SLC25A21: variants seen among roughly 807,000 people sequenced by gnomAD.
SLC25A21 encodes solute carrier family 25 member 21, also known as mitochondrial 2-oxodicarboxylate carrier.
In SLC25A21, 47 loss-of-function variants were observed where a neutral mutation model predicts 43.8. The ratio of observed to expected loss-of-function variants is 1.07; its 90% CI spans 0.85 to 1.37. The LOEUF is 1.37. Ranked by LOEUF, SLC25A21 falls within the 40% of genes most tolerant of loss-of-function variation. The probability of loss-of-function intolerance (pLI) is 0.00; values close to 1 mark genes in which losing one functional copy is unlikely to be tolerated. For synonymous variants in SLC25A21, 131 were observed against 121.3 expected (o/e 1.08, Z -0.52); for missense variants, 352 against 350.2 (o/e 1.00, Z -0.04).
At chr14:36,969,680 T>C (rs1426994655) in intron 1 of SLC25A21, among the ~76,000 whole-genome samples, 1 of 151,550 alleles carries the variant, frequency 6.6e-6, no homozygotes, top group East Asian at 1.9e-4. Context: ...TTTATGGAGA[T>C]GGGGTCTCGG....
At chr14:36,794,407 A>G (rs948049557) in intron 3 of SLC25A21, among the ~76,000 whole-genome samples, 1 of 152,190 alleles carries the variant, frequency 6.6e-6, no homozygotes, top group African/African-American at 2.4e-5. Flanking sequence ...CTGAAACAGG[A>G]TTAGAAAATA....
intron 2 of SLC25A21, among the ~76,000 whole-genome samples, chr14:36,839,255 C>T (rs1457375325): frequency 6.6e-6 from 1 of 152,094 alleles, no homozygotes; most frequent in Non-Finnish European, 1.5e-5. Context: ...ATCTCTGAAA[C>T]CAAATTTCAG....
chr14:36,759,965 T>TCAAAAAAAAAAAAAAAAAAAAAAAAA (rs1886081697), intron 3 of SLC25A21, among the ~76,000 whole-genome samples: 3 of 149,200 alleles, frequency 2.0e-5, no homozygotes, highest in Non-Finnish European at 4.5e-5. Flanking sequence ...AGACTCCATC[T>TCAAAAAAAAAAAAAAAAAAAAAAAAA]AAAAAAAAAA....
chr14:36,680,600 CA>C lies in SLC25A21; in HGVS notation c.*57del. ...TGGCCGATCGATAGTCTCTCTTCTT[CA>C]TGGTGCTGCATAGCAAATATCCATT... is the stretch of plus-strand genomic sequence containing the variant. On this transcript the variant is annotated 3_prime_UTR_variant, in exon 10 of 10. Transcript: ENST00000331299. 1 of 1,575,612 alleles carries C rather than the reference CA, an allele frequency of 6.3e-7. No homozygotes were observed. The highest frequency in any genetic ancestry group is 1.2e-5 in the South Asian group (1 of 83,322).
intron 1 of SLC25A21, among the ~76,000 whole-genome samples, chr14:37,154,379 C>G (rs972654317): frequency 3.9e-5 from 6 of 152,084 alleles, no homozygotes; most frequent in Non-Finnish European, 7.3e-5. Flanking sequence ...GAAGTCCTCT[C>G]CTACAAAAGT....
chr14:36,905,473 A>C (rs1891510380), intron 1 of SLC25A21, among the ~76,000 whole-genome samples: 1 of 152,224 alleles, frequency 6.6e-6, no homozygotes, highest in African/African-American at 2.4e-5. Flanking sequence ...TTGCCCACTC[A>C]TGCGTCCCAA....
chr14:36,705,157 T>C (rs1426827426), intron 7 of SLC25A21, among the ~76,000 whole-genome samples: 2 of 151,878 alleles, frequency 1.3e-5, no homozygotes, highest in Non-Finnish European at 2.9e-5. Context: ...TTTCCTGCCT[T>C]AGCCTCCCAA....
intron 1 of SLC25A21, among the ~76,000 whole-genome samples, chr14:37,083,939 C>T (rs533941942): frequency 6.6e-6 from 1 of 152,302 alleles, no homozygotes; most frequent in Non-Finnish European, 1.5e-5. Context: ...GCCATCATCA[C>T]CGTTGACTTT....
intron 5 of SLC25A21, 86 bp downstream of exon 5, chr14:36,729,421 G>T: frequency 3.0e-6 from 3 of 1,013,094 alleles, no homozygotes; most frequent in Non-Finnish European, 4.3e-6. Context: ...TAGTAGCTGG[G>T]CTTGGAAATC....
intron 1 of SLC25A21, among the ~76,000 whole-genome samples, chr14:37,067,538 A>G (rs1040423192): frequency 1.3e-5 from 2 of 152,204 alleles, no homozygotes; most frequent in Non-Finnish European, 2.9e-5. Flanking sequence ...AATGGATTCC[A>G]AAAGGATATA....
At position 36,989,127 on chromosome 14, in the gene SLC25A21, A is replaced by G. The variant is rs12100600; in HGVS notation, c.71-114123T>C. ...ATCAGATCTCAGTTCTCACTTGGATAAAGGGCCAAAAAATACTGGCTTTGC... is the reference window on the plus strand; with the variant it reads ...ATCAGATCTCAGTTCTCACTTGGATGAAGGGCCAAAAAATACTGGCTTTGC... On this transcript the variant is annotated intron_variant, in intron 1 of 9. Coordinates refer to ENST00000331299, the MANE Select transcript of SLC25A21 (RefSeq NM_030631.4). Among the ~76,000 whole-genome samples, 707 of 152,288 alleles carry G rather than the reference A, an allele frequency of 4.6e-3. 10 individuals carry two copies. Among genetic ancestry groups the G allele is most frequent in the African/African-American group, 0.016 (658 of 41,556 alleles).
intron 3 of SLC25A21, among the ~76,000 whole-genome samples, chr14:36,734,857 C>T (rs939767376): frequency 6.6e-6 from 1 of 152,184 alleles, no homozygotes; most frequent in African/African-American, 2.4e-5. Flanking sequence ...ACTCTAAGGG[C>T]TCTTGAGTTT....
intron 3 of SLC25A21, among the ~76,000 whole-genome samples, chr14:36,750,175 G>GA (rs1244537755): frequency 6.6e-6 from 1 of 152,182 alleles, no homozygotes; most frequent in Non-Finnish European, 1.5e-5. Flanking sequence ...ACTATTCTAA[G>GA]ATCAATCTCT....
Position 36,685,628 on chromosome 14 carries a change from AAGAG to A in SLC25A21, c.604-707_604-704del, listed in dbSNP as rs562916842. On this transcript the variant is annotated intron_variant, in intron 7 of 9. Transcript: ENST00000331299. Reference sequence around the variant, plus strand: ...TCCATGGCAAAGGAAGAAAAGGAGAAAGAGAGAGCGAGAGTGAGTAAAAGAGAAA... The same window carrying A: ...TCCATGGCAAAGGAAGAAAAGGAGAAAGAGCGAGAGTGAGTAAAAGAGAAA... Among the ~76,000 whole-genome samples the A allele has an allele frequency of 1.5e-4, 23 of 152,310 alleles. No homozygotes were observed. In the South Asian group the frequency reaches 1.9e-3, roughly 12 times the overall value.
intron 1 of SLC25A21, among the ~76,000 whole-genome samples, chr14:36,951,825 T>C (rs1892817956): frequency 6.6e-6 from 1 of 152,132 alleles, no homozygotes; most frequent in South Asian, 2.1e-4. Flanking sequence ...GCCCACAAAA[T>C]GATTCGCTGG....
intron 7 of SLC25A21, among the ~76,000 whole-genome samples, chr14:36,706,693 T>G (rs1199588254): frequency 6.6e-6 from 1 of 152,190 alleles, no homozygotes; most frequent in Non-Finnish European, 1.5e-5. Flanking sequence ...CTGAACCCCC[T>G]ACTTTTCTCA....
chr14:36,705,606 GTC>G (rs1008188860), intron 7 of SLC25A21, among the ~76,000 whole-genome samples: 6 of 151,940 alleles, frequency 3.9e-5, no homozygotes, highest in African/African-American at 1.5e-4. Context: ...CTCTGTCTCT[GTC>G]TCTCTCTCAC....
At chr14:37,073,819 G>C (rs748629432) in intron 1 of SLC25A21, among the ~76,000 whole-genome samples, 53 of 151,970 alleles carry the variant, frequency 3.5e-4, no homozygotes, top group Non-Finnish European at 8.8e-5. Flanking sequence ...TTAGCCTCCT[G>C]CGATCCCACT....
chr14:36,684,296 C>T (rs1036517990), intron 8 of SLC25A21, among the ~76,000 whole-genome samples: 3 of 151,658 alleles, frequency 2.0e-5, no homozygotes, highest in South Asian at 2.1e-4. Context: ...AAAAGAGGGG[C>T]GAAGAAACAG....
Sources: allele counts gnomAD v4.1 joint callset (sites outside exome capture counted in the v4.1 genomes callset), GRCh38; gene constraint gnomAD v4.1.1; transcripts MANE v1.5; gene names NCBI Gene and HGNC (gene_info 2026-07-23, HGNC 2026-07-21).